Variants in FREM2 observed in about 807,000 individuals in gnomAD.
The protein encoded by FREM2 is FRAS1-related extracellular matrix protein 2.
FREM2 carries 119 observed loss-of-function variants against 219.9 expected under a neutral mutation model. That is an observed-to-expected ratio of 0.54 (90% CI 0.47 to 0.63). FREM2 has a LOEUF of 0.63. Ranked by LOEUF, FREM2 falls within the 30% of genes least tolerant of loss-of-function variation. The probability of loss-of-function intolerance (pLI) is 0.00; values close to 1 mark genes in which losing one functional copy is unlikely to be tolerated. For missense variants in FREM2, 4,030 were observed against 3,993.6 expected (o/e 1.01, Z -0.25); for synonymous variants, 1,562 against 1,522.8 (o/e 1.03, Z -0.60).
rs1378038530 is a variant in FREM2 at position 38,692,072 on chromosome 13, T to C, written c.4728T>C (p.Pro1576=). The C allele has an allele frequency of 6.2e-7, 1 of 1,614,182 alleles. No homozygotes were observed. Among genetic ancestry groups the C allele is most frequent in the South Asian group, 1.1e-5 (1 of 91,086 alleles). ...TGAAATTCACTATCACCCAGGTGCCTATTCATGGCCATCTCCTATTCAACA... is the reference window on the plus strand; with the variant it reads ...TGAAATTCACTATCACCCAGGTGCCCATTCATGGCCATCTCCTATTCAACA... ...KLLKFTITQV[P]IHGHLLFNNT... Residue 1576 remains proline (P), a synonymous_variant, in exon 1 of 24, where the codon CCT becomes CCC. Coordinates refer to ENST00000280481, the MANE Select transcript of FREM2 (RefSeq NM_207361.6).
intron 4 of FREM2, among the ~76,000 whole-genome samples, chr13:38,781,714 G>T (rs1039075118): frequency 2.0e-5 from 3 of 152,174 alleles, no homozygotes; most frequent in Non-Finnish European, 4.4e-5. Flanking sequence ...CTGAAAATGA[G>T]TAATTTAAAA....
At chr13:38,854,382 A>T (rs1446422071) in intron 11 of FREM2, among the ~76,000 whole-genome samples, 1 of 152,166 alleles carries the variant, frequency 6.6e-6, no homozygotes. Context: ...CGAGTAAACC[A>T]AGGAAAATAT....
chr13:38,734,695 G>A (rs1315234799), intron 2 of FREM2, among the ~76,000 whole-genome samples: 1 of 134,236 alleles, frequency 7.4e-6, no homozygotes, highest in Admixed American at 7.7e-5. Flanking sequence ...GTAACTATAT[G>A]TTCCTAAATG....
chr13:38,832,950 A>G (rs985043701), intron 6 of FREM2, among the ~76,000 whole-genome samples: 1 of 152,064 alleles, frequency 6.6e-6, no homozygotes, highest in Non-Finnish European at 1.5e-5. Context: ...GAGACAGAAG[A>G]TTTGCTTAAG....
intron 16 of FREM2, among the ~76,000 whole-genome samples, chr13:38,869,176 T>TA (rs1348198402): frequency 6.6e-6 from 1 of 152,226 alleles, no homozygotes; most frequent in Non-Finnish European, 1.5e-5. Flanking sequence ...TCTTAGTAGC[T>TA]AAAGCTACCA....
rs781621955 is a variant in FREM2 at position 38,784,797 on chromosome 13, A to C, written c.6008A>C (p.Asp2003Ala). ...FPGAQVTIVP[D>A]KDDEPIFYFG... The stretch of plus-strand genomic sequence containing the variant: ...GGGGCTCAAGTTACAATCGTTCCTG[A>C]CAAAGATGATGGTGAGTACTAATTT... The change falls in exon 6 of 24, where the codon GAC becomes GCC. Residue 2003 changes from aspartate to alanine, a missense_variant. By Grantham distance (126) the Asp-to-Ala change is moderately radical. This residue lies in a region of FREM2 where 3,102 missense variants were observed against 2,950.7 expected (regional missense o/e 1.05). Coordinates refer to ENST00000280481, the MANE Select transcript of FREM2 (RefSeq NM_207361.6). 4 of 1,614,160 alleles carry C rather than the reference A, an allele frequency of 2.5e-6. No homozygotes were observed. The South Asian group carries it at 4.4e-5, about 18-fold the overall frequency.
intron 2 of FREM2, among the ~76,000 whole-genome samples, chr13:38,756,721 G>T (rs1484490497): frequency 2.0e-5 from 3 of 151,578 alleles, no homozygotes; most frequent in Non-Finnish European, 4.4e-5. Flanking sequence ...TATATTTTTA[G>T]TAGAGACAGG....
chr13:38,756,831 A>G (rs1183342598), intron 2 of FREM2, among the ~76,000 whole-genome samples: 7 of 151,764 alleles, frequency 4.6e-5, no homozygotes, highest in Admixed American at 3.3e-4. Flanking sequence ...GTGAACCACC[A>G]TGCCTGGCTG....
Position 38,783,140 on chromosome 13 carries a change from C to T in FREM2, c.5712C>T (p.Ile1904=). The T allele has an allele frequency of 6.2e-7, 1 of 1,613,930 alleles. No individual in the cohort carries two copies. The highest frequency in any genetic ancestry group is 8.5e-7 in the Non-Finnish European group (1 of 1,179,896). ...ATGTTGGTGAGCTGTTCATTCCCATCAGGAGGAGCGGAGATGTGAGCCAGG... is the reference window on the plus strand; with the variant it reads ...ATGTTGGTGAGCTGTTCATTCCCATTAGGAGGAGCGGAGATGTGAGCCAGG... ...EEDVGELFIP[I]RRSGDVSQEL... is the part of the protein sequence containing the mutation. Residue 1904 remains isoleucine (I), a synonymous_variant, in exon 5 of 24, where the codon ATC becomes ATT. Transcript: ENST00000280481.
Position 38,882,236 on chromosome 13 carries a change from A to G in FREM2, c.*1449A>G, listed in dbSNP as rs1566178162. 2 of 152,200 alleles carry G rather than the reference A, an allele frequency of 1.3e-5. No individual in the cohort carries two copies. Among genetic ancestry groups the G allele is most frequent in the Non-Finnish European group, 2.9e-5 (2 of 68,030 alleles). 9.4% of individuals were successfully genotyped at this position (152,200 alleles called of 1,614,324 possible). ...TTCCAAAAGCTAGTAAACATGTTTC[A>G]AAGAAAAATAAGGTCAGGAGAAAAA... is the stretch of plus-strand genomic sequence containing the variant. On this transcript the variant is annotated 3_prime_UTR_variant, in exon 24 of 24. Transcript: ENST00000280481.
intron 6 of FREM2, among the ~76,000 whole-genome samples, chr13:38,792,073 G>A (rs186342513): frequency 9.2e-5 from 14 of 152,302 alleles, no homozygotes; most frequent in Admixed American, 5.2e-4. Context: ...TAGGCCAGAT[G>A]CAGTGGCTCA....
intron 2 of FREM2, among the ~76,000 whole-genome samples, chr13:38,750,049 A>G (rs1465682410): frequency 6.6e-6 from 1 of 152,154 alleles, no homozygotes; most frequent in Non-Finnish European, 1.5e-5. Context: ...CCTAACTTTT[A>G]CCTGTATGTA....
At chr13:38,845,176 CAAAG>C (rs1877105231) in intron 6 of FREM2, among the ~76,000 whole-genome samples, 1 of 152,098 alleles carries the variant, frequency 6.6e-6, no homozygotes, top group Admixed American at 6.6e-5. Flanking sequence ...TGTGAAGAAA[CAAAG>C]AAAACAAACT....
At chr13:38,841,845 G>A (rs779614829) in intron 6 of FREM2, among the ~76,000 whole-genome samples, 2 of 152,170 alleles carry the variant, frequency 1.3e-5, no homozygotes, top group Non-Finnish European at 2.9e-5. Flanking sequence ...CACACCTATT[G>A]CATTGATTAA....
In FREM2 at chr13:38,688,450, A is replaced by G. The variant is rs1318056048; in HGVS notation, c.1106A>G (p.Tyr369Cys). 2 of 1,614,138 alleles carry G rather than the reference A, an allele frequency of 1.2e-6. No homozygotes were observed. The highest frequency in any genetic ancestry group is 1.7e-5 in the Admixed American group (1 of 60,030). ...TCTCCATTCCAGCCTGGCCAGGGCT[A>G]CTTGGTGAGCACCGATGATCGCAGC... ...LTSPFQPGQG[Y>C]LVSTDDRSLP... The change falls in exon 1 of 24, where the codon TAC becomes TGC. Residue 369 changes from tyrosine (Y) to cysteine (C), a missense_variant. Transcript: ENST00000280481.
chr13:38,763,442 C>T (rs78349588), intron 2 of FREM2, among the ~76,000 whole-genome samples: 1,724 of 96,802 alleles, frequency 0.018, 39 homozygotes, highest in African/African-American at 0.058. Context: ...AACTGTGCCT[C>T]TAGCTGTGTT....
In FREM2 at chr13:38,880,840, A is replaced by T. The variant is rs1195156142; in HGVS notation, c.*53A>T. ...CGTAAGTGCCTCGGAAAAGATCACAATGGAACCTTAAATACTTCTGGTAAA... is the reference window on the plus strand; with the variant it reads ...CGTAAGTGCCTCGGAAAAGATCACATTGGAACCTTAAATACTTCTGGTAAA... On this transcript the variant is annotated 3_prime_UTR_variant, in exon 24 of 24. Transcript: ENST00000280481. 1.9e-6 allele frequency: 3 copies of T among 1,592,352 alleles called. No individual in the cohort carries two copies. The highest frequency in any genetic ancestry group is 2.6e-6 in the Non-Finnish European group (3 of 1,161,854).
At chr13:38,805,250 G>A (rs1299704506) in intron 6 of FREM2, among the ~76,000 whole-genome samples, 1 of 151,124 alleles carries the variant, frequency 6.6e-6, no homozygotes, top group Non-Finnish European at 1.5e-5. Context: ...TGTAGGGTAA[G>A]GAGGTGAGGC....
At chr13:38,811,363 C>A (rs1485562690) in intron 6 of FREM2, among the ~76,000 whole-genome samples, 1 of 151,858 alleles carries the variant, frequency 6.6e-6, no homozygotes, top group East Asian at 1.9e-4. Context: ...TTTACTCTTG[C>A]TTTTCTAGTT....
Sources: allele counts gnomAD v4.1 joint callset (sites outside exome capture counted in the v4.1 genomes callset), GRCh38; gene constraint gnomAD v4.1.1; regional missense constraint gnomAD v4.1.1; transcripts MANE v1.5; gene names NCBI Gene and HGNC (gene_info 2026-07-23, HGNC 2026-07-21).